The following DPYD variants were observed in gnomAD, a reference collection of about 807,000 sequenced individuals.
DPYD encodes the protein dihydropyrimidine dehydrogenase [NADP(+)].
DPYD carries 109 observed loss-of-function variants against 116.2 expected under a neutral mutation model. The observed-to-expected ratio is 0.94, with a 90% CI of 0.80 to 1.10. The LOEUF (loss-of-function observed/expected upper bound fraction) is 1.10. DPYD is among the 50% of genes least tolerant of loss of function. DPYD has a pLI of 0.00. For missense variants in DPYD, 1,302 were observed against 1,254.5 expected, an observed-to-expected ratio of 1.04 and a Z score of -0.57; for synonymous variants, 440 against 432.0, an observed-to-expected ratio of 1.02 and a Z score of -0.23.
intron 3 of DPYD, among the ~76,000 whole-genome samples, chr1:97,787,277 A>C (rs1308593282): frequency 6.6e-6 from 1 of 152,230 alleles, no homozygotes; most frequent in Non-Finnish European, 1.5e-5. Context: ...AATTGCATCA[A>C]CATCTAAAGT....
chr1:97,780,226 G>T (rs1336074152), intron 3 of DPYD, among the ~76,000 whole-genome samples: 1 of 152,140 alleles, frequency 6.6e-6, no homozygotes, highest in Non-Finnish European at 1.5e-5. Context: ...TCAGTAAAAT[G>T]CTCAGTTGCA....
intron 13 of DPYD, among the ~76,000 whole-genome samples, chr1:97,511,037 C>T (rs1369627337): frequency 2.0e-5 from 3 of 151,816 alleles, no homozygotes; most frequent in African/African-American, 7.3e-5. Flanking sequence ...CATCTTGATC[C>T]CCAGGGATCC....
chr1:97,473,006 C>A (rs780534026), intron 13 of DPYD, among the ~76,000 whole-genome samples: 7 of 152,084 alleles, frequency 4.6e-5, no homozygotes, highest in Non-Finnish European at 8.8e-5. Context: ...ACTCCTTTTA[C>A]AAATTTCAAA....
chr1:97,274,766 C>T (rs1664829760), intron 18 of DPYD, among the ~76,000 whole-genome samples: 1 of 152,074 alleles, frequency 6.6e-6, no homozygotes, highest in Admixed American at 6.6e-5. Context: ...GAAGTTGCTC[C>T]AGGTTGTCAA....
At position 97,549,821 on chromosome 1, in the gene DPYD, A is replaced by C. The variant is rs994257290; in HGVS notation, c.1340-77T>G. ...CATAACAATAATTTTAAAATTAAGA[A>C]AAATTATGGTTTAATTATTGTTCCA... On this transcript the variant is annotated intron_variant, in intron 11 of 22. Coordinates refer to ENST00000370192, the MANE Select transcript of DPYD (RefSeq NM_000110.4). 6 of 1,285,822 alleles carry C rather than the reference A, an allele frequency of 4.7e-6. No individual in the cohort carries two copies. In the African/African-American group the frequency reaches 9.0e-5, roughly 19 times the overall value. The allele number at this position is 1,285,822 out of a possible 1,614,324, so 79.7% of individuals were successfully genotyped here. A position where few individuals can be genotyped will look rare whatever the true frequency, so the allele number is the denominator to read the frequency against.
In DPYD at chr1:97,558,145, C is replaced by T. The variant is rs951029657; in HGVS notation, c.1340-8401G>A. Among the ~76,000 whole-genome samples, 5 of 152,170 alleles carry T rather than the reference C, an allele frequency of 3.3e-5. No individual in the cohort carries two copies. The South Asian group carries it at 1.0e-3, about 32-fold the overall frequency. ...TTCACAGATTCAGCCTTGAGAGCAT[C>T]CTTTCCAATGAAACCTTTTTCCCCC... On this transcript the variant is annotated intron_variant, in intron 11 of 22. Transcript: ENST00000370192.
At chr1:97,465,051 C>T (rs1677239613) in intron 13 of DPYD, among the ~76,000 whole-genome samples, 2 of 152,318 alleles carry the variant, frequency 1.3e-5, no homozygotes, top group East Asian at 3.9e-4. Flanking sequence ...CCACCTCTTG[C>T]ATCAGCATGA....
chr1:97,465,372 T>A (rs1459591649), intron 13 of DPYD, among the ~76,000 whole-genome samples: 1 of 152,096 alleles, frequency 6.6e-6, no homozygotes, highest in East Asian at 1.9e-4. Flanking sequence ...AAGGTATGAT[T>A]GGTTTTGAAA....
intron 14 of DPYD, among the ~76,000 whole-genome samples, chr1:97,435,419 T>C (rs1675416987): frequency 6.6e-6 from 1 of 152,012 alleles, no homozygotes; most frequent in Admixed American, 6.6e-5. Flanking sequence ...GAATTCATTA[T>C]ACACATTTAA....
chr1:97,724,953 AAG>A lies in DPYD; in HGVS notation c.322-3284_322-3283del, dbSNP rs71590231. 3.8e-3 allele frequency among the ~76,000 whole-genome samples: 453 copies of A among 118,910 alleles called. 4 individuals carry two copies. Among genetic ancestry groups the A allele is most frequent in the South Asian group, 6.6e-3 (21 of 3,184 alleles). 78.0% of individuals were successfully genotyped at this position (118,910 alleles called of 152,430 possible). ...AGGGAGAGAGGGAGGGAGGGAAGGAAAGAGAGAGAGAGAGAGAGAGAGAGAGA... is the reference window on the plus strand; with the variant it reads ...AGGGAGAGAGGGAGGGAGGGAAGGAAAGAGAGAGAGAGAGAGAGAGAGAGA... On this transcript the variant is annotated intron_variant, in intron 4 of 22. Transcript: ENST00000370192.
chr1:97,195,569 C>CATATATATATATATATATATAT (rs1200424384), intron 19 of DPYD, among the ~76,000 whole-genome samples: 1 of 37,376 alleles, frequency 2.7e-5, no homozygotes, highest in Non-Finnish European at 4.7e-5. Context: ...ACAGAACTCT[C>CATATATATATATATATATATAT]ATATATATAT....
At chr1:97,868,591 C>CA (rs994419307) in intron 2 of DPYD, among the ~76,000 whole-genome samples, 1 of 151,670 alleles carries the variant, frequency 6.6e-6, no homozygotes, top group African/African-American at 2.4e-5. Context: ...ATTTAACTCT[C>CA]AAAATAATGT....
intron 14 of DPYD, chr1:97,420,039 G>T (rs1674498046): frequency 6.6e-6 from 1 of 152,132 alleles, no homozygotes; most frequent in Non-Finnish European, 1.5e-5. Flanking sequence ...AAACCACAAG[G>T]GACAGTAGAG....
chr1:97,624,402 CA>C (rs1489858583), intron 8 of DPYD, among the ~76,000 whole-genome samples: 1 of 151,826 alleles, frequency 6.6e-6, no homozygotes, highest in Non-Finnish European at 1.5e-5. Context: ...TAGGGAAATA[CA>C]AATTAAAACA....
intron 13 of DPYD, among the ~76,000 whole-genome samples, chr1:97,514,030 G>A (rs1448325143): frequency 6.6e-6 from 1 of 151,738 alleles, no homozygotes; most frequent in African/African-American, 2.4e-5. Flanking sequence ...AAGTAAAATA[G>A]GGTTTCCAAA....
intron 8 of DPYD, among the ~76,000 whole-genome samples, chr1:97,640,717 G>C (rs76816490): frequency 0.086 from 13,080 of 152,140 alleles, 796 homozygotes; most frequent in Non-Finnish European, 0.12. Context: ...CAAAAGGTGG[G>C]ACAGAGCCTG....
At chr1:97,323,108 T>A (rs1253244138) in intron 16 of DPYD, among the ~76,000 whole-genome samples, 1 of 150,640 alleles carries the variant, frequency 6.6e-6, no homozygotes, top group Admixed American at 6.7e-5. Flanking sequence ...ATTTTTTATA[T>A]ATATATGCAT....
chr1:97,373,195 C>A (rs760496724), intron 16 of DPYD, among the ~76,000 whole-genome samples: 2 of 152,140 alleles, frequency 1.3e-5, no homozygotes, highest in Admixed American at 1.3e-4. Flanking sequence ...AAAATCACTA[C>A]GAACAATGCA....
chr1:97,172,001 G>C (rs1570597093), intron 20 of DPYD, among the ~76,000 whole-genome samples: 1 of 152,172 alleles, frequency 6.6e-6, no homozygotes. Flanking sequence ...TCTTGATGTG[G>C]AAATGTTAGT....
Sources: allele counts gnomAD v4.1 joint callset (sites outside exome capture counted in the v4.1 genomes callset), GRCh38; gene constraint gnomAD v4.1.1; transcripts MANE v1.5; gene names NCBI Gene and HGNC (gene_info 2026-07-23, HGNC 2026-07-21).